Variants in ZFP90 observed in about 807,000 individuals in gnomAD.
ZFP90 encodes the protein zinc finger protein 90 homolog.
Under a neutral mutation model 60.8 loss-of-function variants are expected in ZFP90, and 38 were observed. The ratio of observed to expected loss-of-function variants is 0.62; its 90% CI spans 0.48 to 0.82. ZFP90 has a LOEUF of 0.82. Ranked by LOEUF, ZFP90 falls within the 40% of genes least tolerant of loss-of-function variation. ZFP90 has a pLI of 0.00. For missense variants in ZFP90, 711 were observed against 759.1 expected, an observed-to-expected ratio of 0.94 and a Z score of 0.74; for synonymous variants, 287 against 264.8, an observed-to-expected ratio of 1.08 and a Z score of -0.82.
At chr16:68,575,878 G>A (rs1018759487) in exon 3 of ZFP90, 3 of 398,322 alleles carry the variant, frequency 7.5e-6, no homozygotes, top group African/African-American at 4.1e-5. Context: ...CCTGAGTGAT[G>A]TCAGCAAGAA....
intron 2 of ZFP90, among the ~76,000 whole-genome samples, chr16:68,546,630 A>G (rs1452690117): frequency 6.6e-6 from 1 of 152,092 alleles, no homozygotes; most frequent in African/African-American, 2.4e-5. Context: ...GTTCTGTCTC[A>G]GCCTCCTGAG....
At chr16:68,570,655 C>G (rs2091562850), downstream of ZFP90, among the ~76,000 whole-genome samples, 2 of 152,262 alleles carry the variant, frequency 1.3e-5, no homozygotes, top group Non-Finnish European at 2.9e-5. Context: ...TCAGCACTGT[C>G]TGCTGGTTCC....
In ZFP90 at chr16:68,563,852, A is replaced by C; in HGVS notation, c.1065A>C (p.Gln355His). The C allele has an allele frequency of 6.2e-7, 1 of 1,613,950 alleles. No individual in the cohort carries two copies. The highest frequency in any genetic ancestry group is 1.1e-5 in the South Asian group (1 of 91,072). ...TTAGGCATGGCACATCCCTCACTCAACACGAGGTCACACACAGTGGAGAGA... is the reference window on the plus strand; with the variant it reads ...TTAGGCATGGCACATCCCTCACTCACCACGAGGTCACACACAGTGGAGAGA... The part of the protein sequence containing the change: ...RSFRHGTSLT[Q>H]HEVTHSGEKP... Residue 355 changes from glutamine to histidine, a missense_variant, in exon 5 of 5, where the codon CAA becomes CAC. Physicochemically the swap from Gln to His is conservative, Grantham distance 24. This residue lies in a region of ZFP90 where 146 missense variants were observed against 201.4 expected (regional missense o/e 0.73). Coordinates refer to ENST00000563169, the MANE Select transcript of ZFP90 (RefSeq NM_001305203.2).
intron 1 of ZFP90, 45 bp downstream of exon 1, chr16:68,539,524 A>G: frequency 2.1e-6 from 1 of 475,980 alleles, no homozygotes; most frequent in Non-Finnish European, 3.7e-6. Flanking sequence ...GGCGGGTGTC[A>G]GCCGGGCCTC....
At chr16:68,573,910 G>A (rs954207470) in intron 2 of ZFP90, 1 of 152,288 alleles carries the variant, frequency 6.6e-6, no homozygotes, top group African/African-American at 2.4e-5. Flanking sequence ...GTCGCTTTTG[G>A]TCTGCTCGGC....
downstream of ZFP90, among the ~76,000 whole-genome samples, chr16:68,568,239 T>A (rs2091548993): frequency 6.6e-6 from 1 of 152,230 alleles, no homozygotes; most frequent in South Asian, 2.1e-4. Flanking sequence ...GGTAGATACT[T>A]AATATAGTGA....
intron 2 of ZFP90, among the ~76,000 whole-genome samples, chr16:68,573,118 A>G (rs2091576335): frequency 6.6e-6 from 1 of 152,230 alleles, no homozygotes; most frequent in African/African-American, 2.4e-5. Flanking sequence ...ATTGTGCTCT[A>G]AAACCCAGAT....
At chr16:68,541,604 T>TCA (rs1555497839) in intron 2 of ZFP90, among the ~76,000 whole-genome samples, 3 of 151,600 alleles carry the variant, frequency 2.0e-5, no homozygotes, top group Non-Finnish European at 4.4e-5. Context: ...GCCTGCGTTT[T>TCA]TATATATATA....
At chr16:68,542,445 G>C (rs945587764) in intron 2 of ZFP90, among the ~76,000 whole-genome samples, 1 of 152,078 alleles carries the variant, frequency 6.6e-6, no homozygotes, top group Non-Finnish European at 1.5e-5. Flanking sequence ...ACAAAAATTA[G>C]CTAGCCATGG....
At chr16:68,567,649 A>G (rs973885243), downstream of ZFP90, among the ~76,000 whole-genome samples, 2 of 152,074 alleles carry the variant, frequency 1.3e-5, no homozygotes, top group Non-Finnish European at 2.9e-5. Flanking sequence ...TCTTGTTTCT[A>G]TTTCCTGATG....
At position 68,539,802 on chromosome 16, in the gene ZFP90, A is replaced by G; in HGVS notation, c.10A>G (p.Arg4Gly). Residue 4 changes from arginine to glycine, a missense_variant, in exon 2 of 5, where the codon AGG becomes GGG. Coordinates refer to ENST00000563169, the MANE Select transcript of ZFP90 (RefSeq NM_001305203.2). ...CCCTGGCGAGGCAGGAATGGCCCCG[A>G]GGCCTCCGACCGCCGCGCCCCAGGT... MAP[R>G]PPTAAPQESV... 1 of 1,603,842 alleles carries G rather than the reference A, an allele frequency of 6.2e-7. No individual in the cohort carries two copies.
At chr16:68,546,045 C>G (rs2091144204) in intron 2 of ZFP90, among the ~76,000 whole-genome samples, 1 of 151,848 alleles carries the variant, frequency 6.6e-6, no homozygotes, top group Admixed American at 6.6e-5. Context: ...TGTGGAGGCA[C>G]ACGCCTGTAA....
upstream of ZFP90, among the ~76,000 whole-genome samples, chr16:68,538,222 A>G (rs1243884412): frequency 6.6e-6 from 1 of 152,078 alleles, no homozygotes; most frequent in Non-Finnish European, 1.5e-5. Flanking sequence ...TAAAGCATTT[A>G]TTTTTGAATG....
At chr16:68,571,485 T>C (rs1473212543), downstream of ZFP90, among the ~76,000 whole-genome samples, 1 of 152,246 alleles carries the variant, frequency 6.6e-6, no homozygotes, top group Non-Finnish European at 1.5e-5. Context: ...TCCTTTTTCT[T>C]ATCTGATTCC....
chr16:68,539,717 G>T, intron 1 of ZFP90, 41 bp from the exon 2 acceptor site: 1 of 1,466,018 alleles, frequency 6.8e-7, no homozygotes, highest in Non-Finnish European at 9.1e-7. Flanking sequence ...GGTGGGGTCG[G>T]TGTTGCAGCG....
intron 2 of ZFP90, among the ~76,000 whole-genome samples, chr16:68,547,941 C>G (rs1869643802): frequency 3.3e-5 from 5 of 151,522 alleles, no homozygotes; most frequent in African/African-American, 1.2e-4. Context: ...GATTCTCCTG[C>G]CTCAGTCTTC....
upstream of ZFP90, among the ~76,000 whole-genome samples, chr16:68,536,296 G>A (rs996167926): frequency 1.3e-5 from 2 of 152,104 alleles, no homozygotes; most frequent in East Asian, 1.9e-4. Flanking sequence ...AGGCTTACTC[G>A]TCTAAGGAAT....
upstream of ZFP90, among the ~76,000 whole-genome samples, chr16:68,536,795 T>C (rs1478122113): frequency 3.3e-5 from 5 of 152,212 alleles, no homozygotes; most frequent in Non-Finnish European, 7.3e-5. Context: ...TCTTGAGACC[T>C]GGTTACCAAT....
chr16:68,557,378 G>A (rs1322396431), intron 2 of ZFP90: 1 of 424,224 alleles, frequency 2.4e-6, no homozygotes, highest in East Asian at 7.1e-5. Context: ...CTGTGATACA[G>A]GTGTACTGTG....
Sources: allele counts gnomAD v4.1 joint callset (sites outside exome capture counted in the v4.1 genomes callset), GRCh38; gene constraint gnomAD v4.1.1; regional missense constraint gnomAD v4.1.1; transcripts MANE v1.5; gene names NCBI Gene and HGNC (gene_info 2026-07-23, HGNC 2026-07-21).